Variants in NT5DC4 observed in about 807,000 individuals in gnomAD.
The protein encoded by NT5DC4 is 5'-nucleotidase domain containing 4.
Under a neutral mutation model 26.6 loss-of-function variants are expected in NT5DC4, and 44 were observed. The observed-to-expected ratio is 1.65, with a 90% CI of 1.30 to 2.13. The LOEUF (loss-of-function observed/expected upper bound fraction) is 2.13. Among genes scored for constraint, NT5DC4 ranks in the 30% most tolerant of loss-of-function variants. The pLI is 0.00. For missense variants in NT5DC4, 399 were observed against 228.1 expected (o/e 1.75, Z -4.83); for synonymous variants, 157 against 86.7 (o/e 1.81, Z -4.51).
At position 112,723,746 on chromosome 2, in the gene NT5DC4, A is replaced by G. The variant is rs1205238865; in HGVS notation, c.700A>G (p.Met234Val). The change falls in exon 9 of 17, where the codon ATG becomes GTG. Residue 234 changes from methionine to valine, a missense_variant. Physicochemically the swap from Met to Val is conservative, Grantham distance 21. Transcript: ENST00000688554. Reference protein sequence around the residue: ...DPRLPILLGKMKEVGKVFLAT... With the variant: ...DPRLPILLGKVKEVGKVFLAT... ...ACGCCTCCCCATCCTGCTGGGGAAG[A>G]TGAAGGAGGTTGGGAAAGTGTTTCT... 4.2e-6 allele frequency: 3 copies of G among 717,194 alleles called. No homozygotes were observed. In the African/African-American group the frequency reaches 5.2e-5, roughly 13 times the overall value. 44.4% of individuals were successfully genotyped at this position (717,194 alleles called of 1,614,324 possible).
chr2:112,741,991 C>T (rs11123149), downstream of NT5DC4, among the ~76,000 whole-genome samples: 75,508 of 141,508 alleles, frequency 0.53, 21,168 homozygotes, highest in African/African-American at 0.75. Context: ...GGTTTCACCA[C>T]GTTGGTCAGG....
At position 112,729,792 on chromosome 2, in the gene NT5DC4, C is replaced by T. The variant is rs190741173; in HGVS notation, c.1344+88C>T. The T allele has an allele frequency of 4.2e-4, 293 of 700,096 alleles. 1 individual carries two copies. The African/African-American group carries it at 4.4e-3, about 11-fold the overall frequency. The allele number at this position is 700,096 out of a possible 1,614,324, so 43.4% of individuals were successfully genotyped here. Reference sequence around the variant, plus strand: ...CAGTGGGGTTGTATCAACCCCAGGACGCATGAGGCAATTGGTGGGGGGGCT... The same window carrying T: ...CAGTGGGGTTGTATCAACCCCAGGATGCATGAGGCAATTGGTGGGGGGGCT... On this transcript the variant is annotated intron_variant, in intron 16 of 16. Coordinates refer to ENST00000688554, the MANE Select transcript of NT5DC4 (RefSeq NM_001393655.1).
intron 5 of NT5DC4, 53 bp downstream of exon 5, chr2:112,722,642 G>T (rs1290465008): frequency 1.4e-6 from 1 of 717,482 alleles, no homozygotes. Flanking sequence ...GGAGCTGAGG[G>T]TCCCAGCTCT....
chr2:112,723,587 G>A (rs1477852589), intron 8 of NT5DC4, 119 bp downstream of exon 8: 3 of 682,654 alleles, frequency 4.4e-6, no homozygotes, highest in East Asian at 2.7e-5. Context: ...GGATGGCTGG[G>A]GATCTTTCTA....
In NT5DC4 at chr2:112,726,997, A is replaced by T. The variant is rs1677832868; in HGVS notation, c.1266+259A>T. Reference sequence around the variant, plus strand: ...GCCTCCAGTCCCACAGTCTTTGCCAATCACCCTGCCCGGGAAGTGCCTGCG... The same window carrying T: ...GCCTCCAGTCCCACAGTCTTTGCCATTCACCCTGCCCGGGAAGTGCCTGCG... On this transcript the variant is annotated intron_variant, in intron 15 of 16. Transcript: ENST00000688554. The T allele has an allele frequency of 5.6e-6, 3 of 536,774 alleles. No individual in the cohort carries two copies. In the South Asian group the frequency reaches 6.4e-5, roughly 12 times the overall value. 33.3% of individuals were successfully genotyped at this position (536,774 alleles called of 1,614,324 possible).
At position 112,722,524 on chromosome 2, in the gene NT5DC4, G is replaced by A. The variant is rs1214301051; in HGVS notation, c.404G>A (p.Ser135Asn). ...GCAGAGATCTGGAGCTTCTACCCCA[G>A]CAAGTTCATTCAGAGGGACGACCTG... ...LRAEIWSFYPSKFIQRDDLQC... is the reference protein window; with the variant it reads ...LRAEIWSFYPNKFIQRDDLQC... Residue 135 changes from serine (S) to asparagine (N), a missense_variant, in exon 5 of 17, where the codon AGC becomes AAC. Physicochemically the swap from Ser to Asn is conservative, Grantham distance 46. Coordinates refer to ENST00000688554, the MANE Select transcript of NT5DC4 (RefSeq NM_001393655.1). The A allele has an allele frequency of 1.4e-6, 1 of 717,404 alleles. No individual in the cohort carries two copies. Among genetic ancestry groups the A allele is most frequent in the South Asian group, 1.5e-5 (1 of 67,602 alleles). The allele number at this position is 717,404 out of a possible 1,614,324, so 44.4% of individuals were successfully genotyped here.
intron 16 of NT5DC4, among the ~76,000 whole-genome samples, chr2:112,732,008 T>C (rs1574277888): frequency 6.8e-6 from 1 of 147,028 alleles, no homozygotes; most frequent in Non-Finnish European, 1.5e-5. Context: ...ACCTCCTGGG[T>C]TCAAGCAATT....
chr2:112,741,940 GTTT>G (rs57634251), downstream of NT5DC4, among the ~76,000 whole-genome samples: 942 of 71,898 alleles, frequency 0.013, 22 homozygotes, highest in African/African-American at 0.049. Flanking sequence ...TTTCTTTTCT[GTTT>G]TTTTTTTTTT....
intron 16 of NT5DC4, among the ~76,000 whole-genome samples, chr2:112,736,160 G>A (rs1230723544): frequency 2.6e-5 from 4 of 152,072 alleles, no homozygotes; most frequent in African/African-American, 4.8e-5. Flanking sequence ...GAACCTGGTC[G>A]ACGGGCTTAG....
At chr2:112,742,769 G>A, downstream of NT5DC4, 1 of 1,603,266 alleles carries the variant, frequency 6.2e-7, no homozygotes, top group Non-Finnish European at 8.5e-7. Context: ...TCTTGTATTG[G>A]CTGGAAGGAA....
At chr2:112,738,709 G>A (rs1385397994) in intron 16 of NT5DC4, 5 of 677,076 alleles carry the variant, frequency 7.4e-6, no homozygotes, top group African/African-American at 7.2e-5. Context: ...TAAGTCCTGA[G>A]CGTCCATAAT....
chr2:112,719,836 TTCCTTCCCTCCC>T (rs1372959730), upstream of NT5DC4, among the ~76,000 whole-genome samples: 1 of 60,840 alleles, frequency 1.6e-5, no homozygotes, highest in African/African-American at 3.9e-5. Context: ...CCTTCCTTCC[TTCCTTCCCTCCC>T]TCCCTCCCTC....
intron 10 of NT5DC4, chr2:112,724,551 C>T (rs559066093): frequency 1.7e-6 from 1 of 586,690 alleles, no homozygotes; most frequent in Non-Finnish European, 3.0e-6. Flanking sequence ...GGAGCCTGGC[C>T]TGAGGCTGCA....
chr2:112,733,973 TTAAA>T (rs1478596835), intron 16 of NT5DC4, among the ~76,000 whole-genome samples: 10 of 152,138 alleles, frequency 6.6e-5, no homozygotes, highest in Non-Finnish European at 1.3e-4. Context: ...TTTCCTTACT[TTAAA>T]TAGAGATAGG....
chr2:112,735,373 G>C (rs1378256118), intron 16 of NT5DC4, among the ~76,000 whole-genome samples: 1 of 152,100 alleles, frequency 6.6e-6, no homozygotes, highest in Non-Finnish European at 1.5e-5. Context: ...GTATGTAAAA[G>C]ACTCAGCCGA....
chr2:112,730,355 G>A (rs1428065683), intron 16 of NT5DC4, among the ~76,000 whole-genome samples: 1 of 149,842 alleles, frequency 6.7e-6, no homozygotes, highest in African/African-American at 2.5e-5. Flanking sequence ...CCAAAAGGGC[G>A]ACAGGTTCTG....
downstream of NT5DC4, chr2:112,740,910 T>C (rs1679896478): frequency 2.5e-6 from 4 of 1,614,092 alleles, no homozygotes; most frequent in Non-Finnish European, 3.4e-6. Context: ...GTTCCCTCTC[T>C]TTTGGAGAAA....
chr2:112,731,955 T>A (rs1195569237), intron 16 of NT5DC4, among the ~76,000 whole-genome samples: 10 of 146,310 alleles, frequency 6.8e-5, no homozygotes, highest in Admixed American at 5.5e-4. Flanking sequence ...CAGAGTCTCA[T>A]TCTGTCACCC....
In NT5DC4 at chr2:112,726,788, G is replaced by T. The variant is rs530256841; in HGVS notation, c.1266+50G>T. 4.2e-6 allele frequency: 3 copies of T among 717,034 alleles called. 1 individual carries two copies. The South Asian group carries it at 4.4e-5, about 11-fold the overall frequency. The allele number at this position is 717,034 out of a possible 1,614,324, so 44.4% of individuals were successfully genotyped here. The stretch of plus-strand genomic sequence containing the variant: ...GGACAGGCCCAGCAGGGGCGGAGCC[G>T]GGTTCACTTCCCCACTGCTTGCCTG... On this transcript the variant is annotated intron_variant, in intron 15 of 16. Coordinates refer to ENST00000688554, the MANE Select transcript of NT5DC4 (RefSeq NM_001393655.1).
Sources: gnomAD v4.1 joint callset for allele counts (sites outside exome capture counted in the v4.1 genomes callset) on GRCh38, gnomAD v4.1.1 for gene constraint, MANE v1.5 for transcripts, NCBI Gene and HGNC (gene_info 2026-07-23, HGNC 2026-07-21) for gene names.